The following JPH1 variants were observed in gnomAD, a reference collection of about 807,000 sequenced individuals.
JPH1 encodes the protein junctophilin 1, also known as junctophilin-1.
Under a neutral mutation model 53.6 loss-of-function variants are expected in JPH1, and 12 were observed. The observed-to-expected ratio is 0.22, with a 90% CI of 0.14 to 0.36. JPH1 has a LOEUF of 0.36. Among genes scored for constraint, JPH1 ranks in the 10% least tolerant of loss-of-function variants. The pLI is 1.00. For synonymous variants in JPH1, 375 were observed against 363.8 expected (o/e 1.03, Z -0.35); for missense variants, 808 against 905.5 (o/e 0.89, Z 1.38).
At chr8:74,290,862 C>T (rs1340428722) in intron 2 of JPH1, among the ~76,000 whole-genome samples, 1 of 152,006 alleles carries the variant, frequency 6.6e-6, no homozygotes, top group Non-Finnish European at 1.5e-5. Flanking sequence ...ACAAACCTGA[C>T]AAAAACAAGA....
intron 2 of JPH1, among the ~76,000 whole-genome samples, chr8:74,302,869 C>T (rs887050704): frequency 2.6e-5 from 4 of 151,698 alleles, no homozygotes; most frequent in Non-Finnish European, 4.4e-5. Flanking sequence ...TTGGACAGAG[C>T]TGGCACTAAA....
chr8:74,280,636 C>T (rs903639688), intron 2 of JPH1, among the ~76,000 whole-genome samples: 1 of 152,108 alleles, frequency 6.6e-6, no homozygotes. Flanking sequence ...GACACATTGT[C>T]TACTGTGGAT....
At chr8:74,300,323 GACTGA>G (rs746993250) in intron 2 of JPH1, among the ~76,000 whole-genome samples, 15 of 152,190 alleles carry the variant, frequency 9.9e-5, no homozygotes, top group Non-Finnish European at 1.9e-4. Context: ...ATACGGGACT[GACTGA>G]ATTGCTTCGT....
At chr8:74,277,211 G>T (rs1195155344) in intron 2 of JPH1, among the ~76,000 whole-genome samples, 1 of 152,166 alleles carries the variant, frequency 6.6e-6, no homozygotes, top group Admixed American at 6.5e-5. Context: ...GGCCACACTT[G>T]CCATCCCATC....
At position 74,244,564 on chromosome 8, in the gene JPH1, C is replaced by T. The variant is rs16938828; in HGVS notation, c.1870G>A (p.Asp624Asn). The T allele has an allele frequency of 1.9e-5, 30 of 1,612,170 alleles. No individual in the cohort carries two copies. The African/African-American group carries it at 2.0e-4, about 11-fold the overall frequency. ...TCTTTTTCCAAAGCAGGGCATGAATCGTTGCTTGCTGGATTCTTTGGTATA... is the reference window on the plus strand; with the variant it reads ...TCTTTTTCCAAAGCAGGGCATGAATTGTTGCTTGCTGGATTCTTTGGTATA... ...LAIPKNPASN[D>N]SCPALEKEAN... The change falls in exon 4 of 6, where the codon GAT (aspartate) becomes AAT (asparagine). Residue 624 changes from aspartate to asparagine, a missense_variant. Coordinates refer to ENST00000342232, the MANE Select transcript of JPH1 (RefSeq NM_020647.4).
At chr8:74,241,047 A>G (rs1380972308) in intron 4 of JPH1, among the ~76,000 whole-genome samples, 1 of 152,222 alleles carries the variant, frequency 6.6e-6, no homozygotes, top group Admixed American at 6.5e-5. Flanking sequence ...AAATACATAC[A>G]TATATATTTT....
At chr8:74,307,251 G>C (rs1807865766) in intron 2 of JPH1, among the ~76,000 whole-genome samples, 1 of 152,056 alleles carries the variant, frequency 6.6e-6, no homozygotes, top group Non-Finnish European at 1.5e-5. Flanking sequence ...GGTACTTCTA[G>C]GATTGCAACA....
At chr8:74,276,786 C>A (rs1806861619) in intron 2 of JPH1, among the ~76,000 whole-genome samples, 1 of 152,138 alleles carries the variant, frequency 6.6e-6, no homozygotes, top group African/African-American at 2.4e-5. Context: ...GTCTGTAAAT[C>A]CTTGGTTTTC....
rs531389922 is a variant in JPH1, at chr8:74,285,859, AAAT to A, written c.1140-26359_1140-26357del. 3.3e-5 allele frequency among the ~76,000 whole-genome samples: 5 copies of A among 152,376 alleles called. No homozygotes were observed. In the South Asian group the frequency reaches 1.0e-3, roughly 32 times the overall value. On this transcript the variant is annotated intron_variant, in intron 2 of 5. Coordinates refer to ENST00000342232, the MANE Select transcript of JPH1 (RefSeq NM_020647.4). ...GGATAAAACATATTTCTATATATGT[AAAT>A]AACAGAAAAAGTTTTATGAAGATAC...
Position 74,244,927 on chromosome 8 carries a change from C to T in JPH1, c.1507G>A (p.Asp503Asn), listed in dbSNP as rs771464655. 1 of 1,614,154 alleles carries T rather than the reference C, an allele frequency of 6.2e-7. No individual in the cohort carries two copies. The highest frequency in any genetic ancestry group is 8.5e-7 in the Non-Finnish European group (1 of 1,180,038). Reference protein sequence around the residue: ...RLNQDKRSVADEQVTAIVNKP... With the variant: ...RLNQDKRSVANEQVTAIVNKP... ...TTGACAATGGCCGTCACCTGCTCATCAGCCACACTCCTTTTGTCTTGGTTG... is the reference window on the plus strand; with the variant it reads ...TTGACAATGGCCGTCACCTGCTCATTAGCCACACTCCTTTTGTCTTGGTTG... The change falls in exon 4 of 6, where the codon GAT (aspartate) becomes AAT (asparagine). Residue 503 changes from aspartate to asparagine, a missense_variant. This residue lies in a region of JPH1 where 756 missense variants were observed against 811.9 expected (regional missense o/e 0.93). Transcript: ENST00000342232.
intron 2 of JPH1, among the ~76,000 whole-genome samples, chr8:74,277,135 G>A (rs948756773): frequency 1.3e-5 from 2 of 152,164 alleles, no homozygotes; most frequent in East Asian, 1.9e-4. Flanking sequence ...GGCCAAACCC[G>A]CTCTAGCAAG....
At chr8:74,275,305 G>C (rs1015819793) in intron 2 of JPH1, among the ~76,000 whole-genome samples, 4 of 152,088 alleles carry the variant, frequency 2.6e-5, no homozygotes, top group African/African-American at 7.2e-5. Flanking sequence ...GAAGAAAATG[G>C]ATCAAAACAG....
rs761910514 is a variant in JPH1, at chr8:74,315,633, G to A, written c.380-13C>T. The A allele has an allele frequency of 7.0e-6, 11 of 1,579,026 alleles. No homozygotes were observed. The highest frequency in any genetic ancestry group is 6.8e-5 in the East Asian group (3 of 44,382). ...CCCTGGTAGGTACCTTGGAGAGACC[G>A]CAAGAAAGCACCGTGAGTCGGGGGC... On this transcript the variant is annotated splice_polypyrimidine_tract_variant and intron_variant, in intron 1 of 5. Transcript: ENST00000342232. This position sits in a 1 kb window ranked among gnomAD's most constrained non-coding sequence, Gnocchi z 6.3.
chr8:74,267,289 G>C (rs1408671425), intron 2 of JPH1, among the ~76,000 whole-genome samples: 4 of 152,178 alleles, frequency 2.6e-5, no homozygotes, highest in Admixed American at 2.0e-4. Flanking sequence ...CAAAGAACTG[G>C]GGACTGAGAC....
chr8:74,277,991 T>C (rs903102239), intron 2 of JPH1, among the ~76,000 whole-genome samples: 4 of 152,180 alleles, frequency 2.6e-5, no homozygotes, highest in African/African-American at 9.7e-5. Context: ...GTTTTAAGTA[T>C]ATACAAGAAA....
intron 2 of JPH1, among the ~76,000 whole-genome samples, chr8:74,309,985 G>A (rs921059275): frequency 6.6e-6 from 1 of 152,162 alleles, no homozygotes; most frequent in Non-Finnish European, 1.5e-5. Flanking sequence ...TAAGGCTCTA[G>A]TTATAGTTTA....
At chr8:74,305,017 G>A (rs1483341675) in intron 2 of JPH1, among the ~76,000 whole-genome samples, 1 of 152,200 alleles carries the variant, frequency 6.6e-6, no homozygotes, top group Non-Finnish European at 1.5e-5. Context: ...AAACAGAAAG[G>A]TGAAATTATT....
intron 2 of JPH1, among the ~76,000 whole-genome samples, chr8:74,274,844 A>G (rs547920976): frequency 5.1e-4 from 78 of 152,192 alleles, no homozygotes; most frequent in Non-Finnish European, 1.0e-3. Flanking sequence ...CCTAACACAC[A>G]TGATGCTGAT....
intron 2 of JPH1, among the ~76,000 whole-genome samples, chr8:74,297,867 T>A (rs1257475626): frequency 6.6e-6 from 1 of 151,196 alleles, no homozygotes; most frequent in Non-Finnish European, 1.5e-5. Flanking sequence ...AAATAAAAAG[T>A]ACTTGCTAAT....
Sources: allele counts gnomAD v4.1 joint callset (sites outside exome capture counted in the v4.1 genomes callset), GRCh38; gene constraint gnomAD v4.1.1; regional missense constraint gnomAD v4.1.1; non-coding constraint Gnocchi (gnomAD v3.1); transcripts MANE v1.5; gene names NCBI Gene and HGNC (gene_info 2026-07-23, HGNC 2026-07-21).